Variants in KCND2 observed in about 807,000 individuals in gnomAD.
KCND2 encodes the protein A-type voltage-gated potassium channel KCND2.
KCND2 carries 16 observed loss-of-function variants against 54.4 expected under a neutral mutation model. The observed-to-expected ratio is 0.29, with a 90% CI of 0.20 to 0.45. The LOEUF is 0.45. Ranked by LOEUF, KCND2 falls within the 20% of genes least tolerant of loss-of-function variation. The pLI, the probability that KCND2 is intolerant of heterozygous loss-of-function variation, is 1.00. For synonymous variants in KCND2, 317 were observed against 310.7 expected (o/e 1.02, Z -0.21); for missense variants, 486 against 824.2 (o/e 0.59, Z 5.02).
At chr7:120,291,505 C>T (rs1420846852) in intron 1 of KCND2, among the ~76,000 whole-genome samples, 3 of 151,814 alleles carry the variant, frequency 2.0e-5, no homozygotes, top group African/African-American at 7.3e-5. Context: ...ATATGATGTC[C>T]AGAAACACAG....
chr7:120,550,067 T>C (rs948959889), intron 1 of KCND2, among the ~76,000 whole-genome samples: 17 of 152,022 alleles, frequency 1.1e-4, no homozygotes, highest in Non-Finnish European at 2.1e-4. Context: ...AGTTAGAAGC[T>C]GCCTCTATAG....
chr7:120,725,667 A>C (rs942016080), intron 1 of KCND2, among the ~76,000 whole-genome samples: 1 of 152,200 alleles, frequency 6.6e-6, no homozygotes, highest in African/African-American at 2.4e-5. Flanking sequence ...ATTGTAAAAT[A>C]ATGCTGATAT....
At chr7:120,737,187 G>T (rs1161134750) in intron 2 of KCND2, among the ~76,000 whole-genome samples, 2 of 151,792 alleles carry the variant, frequency 1.3e-5, no homozygotes, top group Non-Finnish European at 2.9e-5. Flanking sequence ...AAATTCCCAG[G>T]TGATGCTGAT....
At chr7:120,598,885 C>CT (rs1792780763) in intron 1 of KCND2, among the ~76,000 whole-genome samples, 1 of 152,074 alleles carries the variant, frequency 6.6e-6, no homozygotes, top group Admixed American at 6.6e-5. Flanking sequence ...AATTTACTGT[C>CT]ACATTTAAGA....
intron 1 of KCND2, among the ~76,000 whole-genome samples, chr7:120,611,100 G>C (rs1418683609): frequency 6.6e-6 from 1 of 152,174 alleles, no homozygotes; most frequent in Non-Finnish European, 1.5e-5. Context: ...CAGCCCTCTT[G>C]AAGTCATGTA....
At chr7:120,388,594 G>A (rs1482934129) in intron 1 of KCND2, among the ~76,000 whole-genome samples, 1 of 151,766 alleles carries the variant, frequency 6.6e-6, no homozygotes, top group African/African-American at 2.4e-5. Flanking sequence ...AAATACAGTT[G>A]GAAAACTTTA....
chr7:120,518,578 C>A lies in KCND2; in HGVS notation c.1116-214325C>A, dbSNP rs117408487. ...TAAAGTTAGGTGTACAGTTTATATT[C>A]ATTTATTTTATAAACACGTTGATAT... On this transcript the variant is annotated intron_variant, in intron 1 of 5. Coordinates refer to ENST00000331113, the MANE Select transcript of KCND2 (RefSeq NM_012281.3). Among the ~76,000 whole-genome samples, 658 of 152,172 alleles carry A rather than the reference C, an allele frequency of 4.3e-3. 3 individuals are homozygous for A. Among genetic ancestry groups the A allele is most frequent in the Non-Finnish European group, 4.9e-3 (336 of 67,992 alleles).
Position 120,463,966 on chromosome 7 carries a change from G to A in KCND2, c.1115+188219G>A, listed in dbSNP as rs1277064236. 3 of 680,800 alleles carry A rather than the reference G, an allele frequency of 4.4e-6. No homozygotes were observed. In the African/African-American group the frequency reaches 6.0e-5, roughly 14 times the overall value. The allele number at this position is 680,800 out of a possible 1,614,324, so 42.2% of individuals were successfully genotyped here. ...AGATCGACAGATGGATAGATGAATA[G>A]TAGAATACCCTGACTGGCTACATTG... On this transcript the variant is annotated intron_variant, in intron 1 of 5. Coordinates refer to ENST00000331113, the MANE Select transcript of KCND2 (RefSeq NM_012281.3).
chr7:120,353,776 C>T (rs924391798), intron 1 of KCND2, among the ~76,000 whole-genome samples: 79 of 152,200 alleles, frequency 5.2e-4, no homozygotes, highest in African/African-American at 1.8e-3. Flanking sequence ...TATTCTAATA[C>T]ATTGTTTGCC....
intron 1 of KCND2, among the ~76,000 whole-genome samples, chr7:120,529,063 T>A (rs1444787244): frequency 1.3e-5 from 2 of 152,222 alleles, no homozygotes; most frequent in East Asian, 1.9e-4. Context: ...TAGCTTTCAC[T>A]ACAACCAGTA....
chr7:120,374,323 G>A (rs1800805975), intron 1 of KCND2, among the ~76,000 whole-genome samples: 1 of 151,706 alleles, frequency 6.6e-6, no homozygotes, highest in Admixed American at 6.6e-5. Flanking sequence ...TAACCACTCA[G>A]TTAAAACTTT....
At position 120,515,769 on chromosome 7, in the gene KCND2, C is replaced by T. The variant is rs937245773; in HGVS notation, c.1116-217134C>T. Among the ~76,000 whole-genome samples the T allele has an allele frequency of 3.3e-5, 5 of 152,000 alleles. No individual in the cohort carries two copies. In the South Asian group the frequency reaches 6.2e-4, roughly 19 times the overall value. Reference sequence around the variant, plus strand: ...GAAGGTGACAAGCATGTGGTGATGCCGAGGTGAGGTTGATAGGAGCAGGAA... The same window carrying T: ...GAAGGTGACAAGCATGTGGTGATGCTGAGGTGAGGTTGATAGGAGCAGGAA... On this transcript the variant is annotated intron_variant, in intron 1 of 5. Transcript: ENST00000331113.
chr7:120,596,885 G>A (rs374141850), intron 1 of KCND2, among the ~76,000 whole-genome samples: 47 of 152,104 alleles, frequency 3.1e-4, no homozygotes, highest in African/African-American at 1.1e-3. Context: ...AATAATCCTC[G>A]TTAACATATT....
intron 1 of KCND2, among the ~76,000 whole-genome samples, chr7:120,492,537 A>T (rs1042427307): frequency 6.6e-6 from 1 of 152,086 alleles, no homozygotes. Context: ...AGATCAAGAC[A>T]CCAGTATATT....
chr7:120,393,887 C>T (rs1206338376), intron 1 of KCND2, among the ~76,000 whole-genome samples: 1 of 151,890 alleles, frequency 6.6e-6, no homozygotes, highest in Non-Finnish European at 1.5e-5. Flanking sequence ...AAAATGATGA[C>T]ATTTTTGGAA....
chr7:120,601,827 A>G (rs1376845473), intron 1 of KCND2, among the ~76,000 whole-genome samples: 2 of 152,076 alleles, frequency 1.3e-5, no homozygotes, highest in South Asian at 2.1e-4. Context: ...CCCACACTGA[A>G]CTACACTATC....
At chr7:120,445,702 T>C (rs1332144201) in intron 1 of KCND2, among the ~76,000 whole-genome samples, 1 of 152,122 alleles carries the variant, frequency 6.6e-6, no homozygotes, top group Non-Finnish European at 1.5e-5. Context: ...AAACCAACAG[T>C]TATCACACTA....
intron 1 of KCND2, among the ~76,000 whole-genome samples, chr7:120,609,614 T>C (rs1792926247): frequency 6.6e-6 from 1 of 152,162 alleles, no homozygotes; most frequent in Non-Finnish European, 1.5e-5. Flanking sequence ...AAAAGCTGTA[T>C]CTTAAAAATG....
intron 1 of KCND2, among the ~76,000 whole-genome samples, chr7:120,509,557 AC>A (rs929549638): frequency 3.3e-5 from 5 of 152,092 alleles, no homozygotes; most frequent in African/African-American, 7.2e-5. Flanking sequence ...CAAGTTTCTT[AC>A]TTCTTTTGGC....
Sources: allele counts gnomAD v4.1 joint callset (sites outside exome capture counted in the v4.1 genomes callset), GRCh38; gene constraint gnomAD v4.1.1; transcripts MANE v1.5; gene names NCBI Gene and HGNC (gene_info 2026-07-23, HGNC 2026-07-21).